The following DGKD variants were observed in gnomAD, a reference collection of about 807,000 sequenced individuals.
DGKD encodes the protein diacylglycerol kinase delta.
Under a neutral mutation model 154.4 loss-of-function variants are expected in DGKD, and 68 were observed. That is an observed-to-expected ratio of 0.44 (90% CI 0.36 to 0.54). The LOEUF (loss-of-function observed/expected upper bound fraction) is 0.54. Ranked by LOEUF, DGKD falls within the 20% of genes least tolerant of loss-of-function variation. The pLI is 0.00. For synonymous variants in DGKD, 693 were observed against 638.0 expected (o/e 1.09, Z -1.30); for missense variants, 1,343 against 1,593.6 (o/e 0.84, Z 2.68).
chr2:233,415,916 C>T (rs992573700), intron 3 of DGKD, among the ~76,000 whole-genome samples: 5 of 152,228 alleles, frequency 3.3e-5, no homozygotes, highest in South Asian at 2.1e-4. Context: ...TGAGCTGCTG[C>T]GCCCAACCAG....
chr2:233,450,357 C>T (rs1214471354), intron 16 of DGKD, among the ~76,000 whole-genome samples: 1 of 152,116 alleles, frequency 6.6e-6, no homozygotes, highest in Non-Finnish European at 1.5e-5. Flanking sequence ...CCCGCGAGAC[C>T]CCCTCCATCA....
intron 1 of DGKD, among the ~76,000 whole-genome samples, chr2:233,356,704 A>T (rs1318196871): frequency 1.3e-5 from 2 of 152,118 alleles, no homozygotes; most frequent in African/African-American, 4.8e-5. Context: ...GAGGACTTAG[A>T]GTTTCTGAAT....
At chr2:233,409,807 T>G (rs2061780798) in intron 3 of DGKD, among the ~76,000 whole-genome samples, 1 of 145,824 alleles carries the variant, frequency 6.9e-6, no homozygotes, top group Non-Finnish European at 1.5e-5. Flanking sequence ...TTTTTTTTTT[T>G]TTTTTTTTTA....
chr2:233,472,073 A>C lies in DGKD; in HGVS notation c.*2613A>C, dbSNP rs2064032127. The stretch of plus-strand genomic sequence containing the variant: ...TACATAAGTTGTTCTGTGTATAAAT[A>C]AAACAAGCCTGTTTTTGATCTTCCA... On this transcript the variant is annotated 3_prime_UTR_variant, in exon 30 of 30. Coordinates refer to ENST00000264057, the MANE Select transcript of DGKD (RefSeq NM_152879.3). 1 of 152,392 alleles carries C rather than the reference A, an allele frequency of 6.6e-6. No individual in the cohort carries two copies. The highest frequency in any genetic ancestry group is 2.4e-5 in the African/African-American group (1 of 41,470). 9.4% of individuals were successfully genotyped at this position (152,392 alleles called of 1,614,324 possible). A position where few individuals can be genotyped will look rare whatever the true frequency, so the allele number is the denominator to read the frequency against.
At chr2:233,461,367 C>T (rs565926545) in intron 24 of DGKD, among the ~76,000 whole-genome samples, 3 of 152,404 alleles carry the variant, frequency 2.0e-5, no homozygotes, top group East Asian at 3.9e-4. Flanking sequence ...GCCTGCCCAG[C>T]CCTGGCGTGC....
chr2:233,419,508 G>A, intron 3 of DGKD: 1 of 915,968 alleles, frequency 1.1e-6, no homozygotes, highest in Non-Finnish European at 1.3e-6. Flanking sequence ...TAAGCGGAAG[G>A]AATTGAGCTT....
chr2:233,391,734 T>G (rs1241978458), intron 3 of DGKD, among the ~76,000 whole-genome samples: 1 of 152,216 alleles, frequency 6.6e-6, no homozygotes, highest in Non-Finnish European at 1.5e-5. Context: ...TAGTGCTAGT[T>G]TCAGGTGCTT....
At chr2:233,455,714 C>T (rs1378398944) in intron 19 of DGKD, among the ~76,000 whole-genome samples, 1 of 152,256 alleles carries the variant, frequency 6.6e-6, no homozygotes, top group East Asian at 1.9e-4. Flanking sequence ...CACGTGGCCC[C>T]CTGTGGCCTC....
chr2:233,463,946 G>A (rs1165796192), intron 26 of DGKD: 9 of 580,082 alleles, frequency 1.6e-5, no homozygotes, highest in African/African-American at 5.6e-5. Flanking sequence ...TGAATTCATC[G>A]TTGACTGATG....
intron 3 of DGKD, among the ~76,000 whole-genome samples, chr2:233,396,934 G>GGGGT (rs1704090371): frequency 7.6e-6 from 1 of 131,192 alleles, no homozygotes; most frequent in African/African-American, 2.9e-5. Context: ...GGCTGGGGGG[G>GGGGT]GCCAGAGCGA....
At chr2:233,406,716 A>G (rs1252551900) in intron 3 of DGKD, among the ~76,000 whole-genome samples, 1 of 152,206 alleles carries the variant, frequency 6.6e-6, no homozygotes, top group Non-Finnish European at 1.5e-5. Context: ...CATAGGCCTC[A>G]CCAGACTGCC....
chr2:233,428,131 C>T (rs1240078305), intron 3 of DGKD, among the ~76,000 whole-genome samples: 1 of 152,154 alleles, frequency 6.6e-6, no homozygotes, highest in Non-Finnish European at 1.5e-5. Context: ...GGAGGGGAGC[C>T]AGAGGAGGAG....
In DGKD at chr2:233,449,986, C is replaced by G; in HGVS notation, c.1893C>G (p.Val631=). The G allele has an allele frequency of 6.3e-7, 1 of 1,599,224 alleles. No homozygotes were observed. Among genetic ancestry groups the G allele is most frequent in the Non-Finnish European group, 8.5e-7 (1 of 1,172,482 alleles). Residue 631 remains valine, a synonymous_variant, in exon 16 of 30, where the codon GTC becomes GTG. Coordinates refer to ENST00000264057, the MANE Select transcript of DGKD (RefSeq NM_152879.3). This position sits in a 1 kb window ranked among gnomAD's most constrained non-coding sequence, Gnocchi z 5.3. The stretch of plus-strand genomic sequence containing the variant: ...GCACACACTCTCCTTGCACAGCTGT[C>G]GATGAGCAGAATGCCCAGACCCAGG... ...RQIIEHTEKA[V]DEQNAQTQEQ...
chr2:233,418,950 C>CT (rs2062031188), intron 3 of DGKD, among the ~76,000 whole-genome samples: 1 of 152,122 alleles, frequency 6.6e-6, no homozygotes, highest in African/African-American at 2.4e-5. Context: ...GTGGTGGTGT[C>CT]TATTTTTGTG....
chr2:233,417,139 T>G (rs1042863945), intron 3 of DGKD, among the ~76,000 whole-genome samples: 22 of 152,202 alleles, frequency 1.4e-4, no homozygotes, highest in African/African-American at 5.1e-4. Flanking sequence ...TTCAACTGAT[T>G]CTCCCTCCTC....
chr2:233,388,236 A>G (rs1703318026), intron 1 of DGKD, 21 bp from the exon 2 acceptor site: 1 of 1,601,842 alleles, frequency 6.2e-7, no homozygotes, highest in African/African-American at 1.3e-5. Flanking sequence ...CAAGTTTATG[A>G]ATATGTTTCT....
intron 26 of DGKD, 106 bp from the exon 27 acceptor site, chr2:233,464,058 G>A: frequency 6.7e-7 from 1 of 1,484,712 alleles, no homozygotes; most frequent in Non-Finnish European, 9.1e-7. Flanking sequence ...TGAGCTCCCT[G>A]ATCAGAGCAG....
chr2:233,408,294 G>A (rs1575061897), intron 3 of DGKD, among the ~76,000 whole-genome samples: 3 of 152,270 alleles, frequency 2.0e-5, no homozygotes, highest in South Asian at 2.1e-4. Flanking sequence ...CACCCATCTC[G>A]GCCTCATGGG....
chr2:233,426,019 A>G (rs543899002), intron 3 of DGKD, among the ~76,000 whole-genome samples: 69 of 152,358 alleles, frequency 4.5e-4, no homozygotes, highest in African/African-American at 1.6e-3. Flanking sequence ...TATGAGAATC[A>G]GTAGACCATA....
Sources: gnomAD v4.1 joint callset for allele counts (sites outside exome capture counted in the v4.1 genomes callset) on GRCh38, gnomAD v4.1.1 for gene constraint, Gnocchi (gnomAD v3.1) non-coding constraint, MANE v1.5 for transcripts, NCBI Gene and HGNC (gene_info 2026-07-23, HGNC 2026-07-21) for gene names.